Variants in FMNL2 observed in about 807,000 individuals in gnomAD.
The protein encoded by FMNL2 is formin like 2, also known as formin-like protein 2.
FMNL2 carries 51 observed loss-of-function variants against 130.2 expected under a neutral mutation model. That is an observed-to-expected ratio of 0.39 (90% CI 0.31 to 0.49). FMNL2 has a LOEUF of 0.49. Ranked by LOEUF, FMNL2 falls within the 20% of genes least tolerant of loss-of-function variation. FMNL2 has a pLI of 0.85. For synonymous variants in FMNL2, 465 were observed against 467.1 expected, an observed-to-expected ratio of 1.00 and a Z score of 0.06; for missense variants, 977 against 1,316.2, an observed-to-expected ratio of 0.74 and a Z score of 3.99.
chr2:152,581,661 C>T (rs1481876729), intron 9 of FMNL2, among the ~76,000 whole-genome samples: 3 of 152,150 alleles, frequency 2.0e-5, no homozygotes, highest in African/African-American at 7.2e-5. Flanking sequence ...ATCCAAACAT[C>T]ACCGCCTAGA....
At chr2:152,407,678 T>C (rs1686060441) in intron 1 of FMNL2, among the ~76,000 whole-genome samples, 1 of 152,220 alleles carries the variant, frequency 6.6e-6, no homozygotes. Flanking sequence ...CCAAGCCCTC[T>C]TTCTGGTGTT....
chr2:152,636,336 G>A (rs148837673), intron 21 of FMNL2, 91 bp from the exon 22 acceptor site: 50 of 1,390,710 alleles, frequency 3.6e-5, no homozygotes, highest in African/African-American at 4.3e-5. Flanking sequence ...GTAAGCCTAA[G>A]AATCTCCTGA....
chr2:152,366,578 A>T (rs568923671), intron 1 of FMNL2, among the ~76,000 whole-genome samples: 2 of 152,340 alleles, frequency 1.3e-5, no homozygotes, highest in Non-Finnish European at 2.9e-5. Flanking sequence ...AATTATAATA[A>T]CATACACTTG....
Position 152,338,834 on chromosome 2 carries a change from C to CACACACACAT in FMNL2, c.117+3123_117+3124insTACACACACA, listed in dbSNP as rs1553862426. On this transcript the variant is annotated intron_variant, in intron 1 of 25. Coordinates refer to ENST00000288670, the MANE Select transcript of FMNL2 (RefSeq NM_052905.4). ...GGAAGGTGAGATACACACACACACA[C>CACACACACAT]ACACACACACACACACACATATATG... 6.2e-3 allele frequency among the ~76,000 whole-genome samples: 937 copies of CACACACACAT among 150,294 alleles called. 7 individuals carry two copies. Among genetic ancestry groups the CACACACACAT allele is most frequent in the African/African-American group, 9.9e-3 (404 of 40,652 alleles).
chr2:152,489,656 A>G (rs1321092814), intron 1 of FMNL2, among the ~76,000 whole-genome samples: 2 of 152,254 alleles, frequency 1.3e-5, no homozygotes, highest in African/African-American at 2.4e-5. Context: ...TGGACTACCT[A>G]TAGTTGACAG....
At chr2:152,480,024 A>G (rs151268765) in intron 1 of FMNL2, among the ~76,000 whole-genome samples, 34 of 152,296 alleles carry the variant, frequency 2.2e-4, no homozygotes, top group Non-Finnish European at 4.3e-4. Flanking sequence ...GCAAGCATAT[A>G]CTTAAATGGG....
chr2:152,637,503 G>A, intron 22 of FMNL2, 70 bp from the exon 23 acceptor site: 2 of 1,226,142 alleles, frequency 1.6e-6, no homozygotes, highest in Non-Finnish European at 2.4e-6. Context: ...CTTTGCATCA[G>A]CGTTCCCCCT....
intron 25 of FMNL2, among the ~76,000 whole-genome samples, chr2:152,647,268 T>A: frequency 6.6e-6 from 1 of 152,318 alleles, no homozygotes; most frequent in Admixed American, 6.5e-5. Context: ...CATCATTTTG[T>A]TTAAAATTTA....
At chr2:152,428,598 C>T (rs144387925) in intron 1 of FMNL2, among the ~76,000 whole-genome samples, 1 of 152,172 alleles carries the variant, frequency 6.6e-6, no homozygotes, top group East Asian at 1.9e-4. Context: ...TTTAAGGACT[C>T]TCTTTTAAAA....
In FMNL2 at chr2:152,559,098, A is replaced by G. The variant is rs530992851; in HGVS notation, c.443+275A>G. On this transcript the variant is annotated intron_variant, in intron 5 of 25. Coordinates refer to ENST00000288670, the MANE Select transcript of FMNL2 (RefSeq NM_052905.4). ...TTTCTTTAGGGCTTAAGTTACATAT[A>G]TGGAAGAATAGTCTAACAGTTGGTG... Among the ~76,000 whole-genome samples, 8 of 152,358 alleles carry G rather than the reference A, an allele frequency of 5.3e-5. No homozygotes were observed. In the East Asian group the frequency reaches 9.6e-4, roughly 18 times the overall value.
At position 152,353,424 on chromosome 2, in the gene FMNL2, A is replaced by G. The variant is rs75532342; in HGVS notation, c.117+17704A>G. Among the ~76,000 whole-genome samples, 742 of 152,340 alleles carry G rather than the reference A, an allele frequency of 4.9e-3. 3 individuals are homozygous for G. Among genetic ancestry groups the G allele is most frequent in the Middle Eastern group, 0.031 (9 of 294 alleles). ...TTTAGGTGGTAAGAGAATCTACCCC[A>G]AAGGCAGTCGACTCTAAGCCTTACT... is the stretch of plus-strand genomic sequence containing the variant. On this transcript the variant is annotated intron_variant, in intron 1 of 25. Coordinates refer to ENST00000288670, the MANE Select transcript of FMNL2 (RefSeq NM_052905.4).
At chr2:152,348,324 G>A (rs35937195) in intron 1 of FMNL2, among the ~76,000 whole-genome samples, 13,863 of 152,202 alleles carry the variant, frequency 0.091, 736 homozygotes, top group African/African-American at 0.15. Context: ...TCACCTGCCA[G>A]TTCACACTGT....
intron 7 of FMNL2, among the ~76,000 whole-genome samples, chr2:152,576,434 C>A (rs957089940): frequency 6.6e-6 from 1 of 152,158 alleles, no homozygotes; most frequent in African/African-American, 2.4e-5. Flanking sequence ...TTACATGTTA[C>A]ACTTTTCAGG....
At chr2:152,480,095 G>T (rs1417043504) in intron 1 of FMNL2, among the ~76,000 whole-genome samples, 1 of 152,112 alleles carries the variant, frequency 6.6e-6, no homozygotes, top group Non-Finnish European at 1.5e-5. Flanking sequence ...CTATGCCCCA[G>T]CTACCTGCTA....
chr2:152,606,120 C>T (rs534593785), intron 9 of FMNL2, among the ~76,000 whole-genome samples: 1 of 152,100 alleles, frequency 6.6e-6, no homozygotes, highest in Non-Finnish European at 1.5e-5. Flanking sequence ...GAGTTTCACA[C>T]GACTGAATTA....
chr2:152,418,464 C>T (rs1174586300), intron 1 of FMNL2, among the ~76,000 whole-genome samples: 1 of 152,098 alleles, frequency 6.6e-6, no homozygotes, highest in African/African-American at 2.4e-5. Context: ...CTTCATTCCC[C>T]CCACCCCTTC....
intron 6 of FMNL2, among the ~76,000 whole-genome samples, chr2:152,563,972 C>T (rs1221826682): frequency 6.6e-6 from 1 of 152,198 alleles, no homozygotes; most frequent in Non-Finnish European, 1.5e-5. Flanking sequence ...GTTCACAGTG[C>T]ATGCTGGCAG....
chr2:152,615,720 C>G, intron 12 of FMNL2, among the ~76,000 whole-genome samples: 1 of 152,156 alleles, frequency 6.6e-6, no homozygotes, highest in East Asian at 1.9e-4. Flanking sequence ...AAAACCCAAG[C>G]ATTATGAAGA....
chr2:152,364,480 G>A (rs1683399270), intron 1 of FMNL2, among the ~76,000 whole-genome samples: 1 of 151,990 alleles, frequency 6.6e-6, no homozygotes, highest in African/African-American at 2.4e-5. Context: ...AGAGAACCAG[G>A]CTTTTAAACC....
Sources: allele counts gnomAD v4.1 joint callset (sites outside exome capture counted in the v4.1 genomes callset), GRCh38; gene constraint gnomAD v4.1.1; transcripts MANE v1.5; gene names NCBI Gene and HGNC (gene_info 2026-07-23, HGNC 2026-07-21).